RIPOR3: variants seen among roughly 807,000 people sequenced by gnomAD.
The protein encoded by RIPOR3 is family with sequence similarity 65 member C.
In RIPOR3, 95 loss-of-function variants were observed where a neutral mutation model predicts 114.3. The observed-to-expected ratio is 0.83, with a 90% CI of 0.70 to 0.99. RIPOR3 has a LOEUF of 0.99. Among genes scored for constraint, RIPOR3 ranks in the 50% least tolerant of loss-of-function variants. The pLI is 0.00. For missense variants in RIPOR3, 1,252 were observed against 1,266.9 expected (o/e 0.99, Z 0.18); for synonymous variants, 575 against 543.8 (o/e 1.06, Z -0.80).
Position 50,667,528 on chromosome 20 carries a change from G to A in RIPOR3, c.3+23598C>T, listed in dbSNP as rs562759528. The stretch of plus-strand genomic sequence containing the variant: ...AGGCTGGTCTCAAATTCCTGACCTC[G>A]TGATCCGCCTGCCTCGGCCTCCCAA... On this transcript the variant is annotated intron_variant, in intron 1 of 21. Transcript: ENST00000327979. Among the ~76,000 whole-genome samples the A allele has an allele frequency of 2.6e-5, 4 of 152,038 alleles. No homozygotes were observed. The South Asian group carries it at 6.2e-4, about 24-fold the overall frequency.
At chr20:50,669,325 C>T (rs1457200507) in intron 1 of RIPOR3, among the ~76,000 whole-genome samples, 1 of 152,182 alleles carries the variant, frequency 6.6e-6, no homozygotes, top group South Asian at 2.1e-4. Context: ...CTCTTCAGCA[C>T]TTTTACCACG....
chr20:50,679,149 TAC>T (rs869151189), intron 1 of RIPOR3, among the ~76,000 whole-genome samples: 7 of 99,730 alleles, frequency 7.0e-5, no homozygotes, highest in Non-Finnish European at 1.2e-4. Context: ...TATATATATA[TAC>T]ACACACACAC....
chr20:50,674,222 T>C (rs2086617984), intron 1 of RIPOR3, among the ~76,000 whole-genome samples: 1 of 152,102 alleles, frequency 6.6e-6, no homozygotes, highest in East Asian at 1.9e-4. Flanking sequence ...TGGGATGGGA[T>C]TGGAGGGTCT....
intron 6 of RIPOR3, among the ~76,000 whole-genome samples, chr20:50,610,174 A>ACCTGCCTCT (rs538545303): frequency 1.7e-5 from 2 of 116,306 alleles, no homozygotes; most frequent in Admixed American, 9.0e-5. Context: ...ACCCTGTCTC[A>ACCTGCCTCT]CCTGCCTCTC....
At chr20:50,591,226 T>C (rs909176961) in intron 19 of RIPOR3, among the ~76,000 whole-genome samples, 1 of 152,216 alleles carries the variant, frequency 6.6e-6, no homozygotes, top group Non-Finnish European at 1.5e-5. Flanking sequence ...GCTTGGAAAT[T>C]TGAACATAAG....
intron 19 of RIPOR3, among the ~76,000 whole-genome samples, chr20:50,591,965 G>A (rs1446890431): frequency 2.0e-5 from 3 of 152,066 alleles, no homozygotes; most frequent in African/African-American, 7.2e-5. Flanking sequence ...TATGGTGGTG[G>A]GCGCCTGTAA....
chr20:50,620,799 G>T, intron 2 of RIPOR3: 2 of 1,026,686 alleles, frequency 1.9e-6, no homozygotes, highest in Non-Finnish European at 1.5e-6. Flanking sequence ...CTCAACAAGG[G>T]CCACAAGGTG....
At chr20:50,609,069 G>C in intron 8 of RIPOR3, 114 bp from the exon 9 acceptor site, 1 of 1,436,618 alleles carries the variant, frequency 7.0e-7, no homozygotes, top group Non-Finnish European at 9.5e-7. Flanking sequence ...GTGGGGTGAG[G>C]ATGGGGGGGA....
intron 1 of RIPOR3, among the ~76,000 whole-genome samples, chr20:50,641,382 T>C (rs1345275367): frequency 6.6e-6 from 1 of 152,154 alleles, no homozygotes; most frequent in Admixed American, 6.5e-5. Flanking sequence ...ACCCGGCTAA[T>C]TTTTTTAAAA....
At chr20:50,677,914 C>A (rs1296863573) in intron 1 of RIPOR3, among the ~76,000 whole-genome samples, 1 of 151,896 alleles carries the variant, frequency 6.6e-6, no homozygotes, top group Admixed American at 6.6e-5. Context: ...AACTGATGCA[C>A]CTGTCCCGAC....
chr20:50,688,538 G>A (rs1030575547), intron 1 of RIPOR3, among the ~76,000 whole-genome samples: 6 of 152,250 alleles, frequency 3.9e-5, no homozygotes, highest in East Asian at 1.9e-4. Flanking sequence ...TTAGCAACCC[G>A]TTCACCTAAT....
intron 1 of RIPOR3, among the ~76,000 whole-genome samples, chr20:50,640,796 T>A (rs1275078681): frequency 1.3e-5 from 2 of 152,010 alleles, no homozygotes; most frequent in Non-Finnish European, 2.9e-5. Context: ...CACGAACACA[T>A]GTGAATTACT....
Position 50,587,026 on chromosome 20 carries a change from A to G in RIPOR3, c.*206T>C, listed in dbSNP as rs941598085. 3.5e-5 allele frequency: 20 copies of G among 571,584 alleles called. No homozygotes were observed. Among genetic ancestry groups the G allele is most frequent in the Non-Finnish European group, 5.9e-5 (19 of 319,770 alleles). 35.4% of individuals were successfully genotyped at this position (571,584 alleles called of 1,614,324 possible). ...GGCCGTGCAGCCCCTGGAATGCTGTACCTTTGCCTTGCTTTTTTCTGCCTC... is the reference window on the plus strand; with the variant it reads ...GGCCGTGCAGCCCCTGGAATGCTGTGCCTTTGCCTTGCTTTTTTCTGCCTC... On this transcript the variant is annotated 3_prime_UTR_variant, in exon 22 of 22. Transcript: ENST00000327979.
chr20:50,652,505 C>T (rs966184163), intron 1 of RIPOR3, among the ~76,000 whole-genome samples: 3 of 145,164 alleles, frequency 2.1e-5, no homozygotes, highest in Admixed American at 7.3e-5. Context: ...ACAATAGAAT[C>T]GCTTGAGCCT....
chr20:50,630,732 A>C lies in RIPOR3; in HGVS notation c.122+6T>G, dbSNP rs113585337. 4 of 1,600,958 alleles carry C rather than the reference A, an allele frequency of 2.5e-6. No individual in the cohort carries two copies. The highest frequency in any genetic ancestry group is 3.4e-6 in the Non-Finnish European group (4 of 1,173,588). ...CACCCCGAAACAGGACACGGGGGGA[A>C]CTTACGCGATCCTCCGGCTCTGTGC... On this transcript the variant is annotated splice_donor_region_variant and intron_variant, in intron 2 of 21. Transcript: ENST00000327979.
At chr20:50,598,362 C>T (rs1268969529) in intron 13 of RIPOR3, among the ~76,000 whole-genome samples, 2 of 151,940 alleles carry the variant, frequency 1.3e-5, no homozygotes, top group South Asian at 4.1e-4. Flanking sequence ...TCTGTCTTGT[C>T]CCCAACTCGT....
chr20:50,592,036 A>G (rs2083123957), intron 19 of RIPOR3, among the ~76,000 whole-genome samples: 1 of 152,196 alleles, frequency 6.6e-6, no homozygotes, highest in Admixed American at 6.5e-5. Context: ...TGGAGGTTGC[A>G]AGATCGTGGC....
chr20:50,674,032 C>T (rs879491876), intron 1 of RIPOR3, among the ~76,000 whole-genome samples: 1 of 152,278 alleles, frequency 6.6e-6, no homozygotes, highest in Non-Finnish European at 1.5e-5. Flanking sequence ...GAGCCGGACA[C>T]GAGCGTTCCA....
intron 1 of RIPOR3, among the ~76,000 whole-genome samples, chr20:50,651,735 A>G (rs746815101): frequency 8.5e-5 from 13 of 152,224 alleles, no homozygotes; most frequent in Non-Finnish European, 1.3e-4. Flanking sequence ...TCGTAAGGAC[A>G]CATAGTAATA....
Sources: gnomAD v4.1 joint callset for allele counts (sites outside exome capture counted in the v4.1 genomes callset) on GRCh38, gnomAD v4.1.1 for gene constraint, MANE v1.5 for transcripts, NCBI Gene and HGNC (gene_info 2026-07-23, HGNC 2026-07-21) for gene names.